Variants in PCDH11X observed in about 807,000 individuals in gnomAD.
PCDH11X encodes protocadherin-11 X-linked.
A neutral mutation model predicts 53.3 loss-of-function variants in PCDH11X; 18 were observed. The observed-to-expected ratio is 0.34, with a 90% CI of 0.23 to 0.50. PCDH11X has a LOEUF of 0.50. Among genes scored for constraint, PCDH11X ranks in the 20% least tolerant of loss-of-function variants. The pLI is 0.98. For missense variants in PCDH11X, 570 were observed against 1,032.4 expected, an observed-to-expected ratio of 0.55 and a Z score of 6.14; for synonymous variants, 279 against 393.3, an observed-to-expected ratio of 0.71 and a Z score of 3.44.
chrX:92,609,274 G>T (rs1173595264), intron 10 of PCDH11X, among the ~76,000 whole-genome samples: 16 of 110,694 alleles, frequency 1.4e-4, no homozygotes, highest in South Asian at 1.1e-3. Context: ...GAATTGCTGG[G>T]TTTTTTTTCT....
chrX:92,148,109 T>C (rs868438844), intron 6 of PCDH11X, among the ~76,000 whole-genome samples: 35 of 19,920 alleles, frequency 1.8e-3, no homozygotes, highest in South Asian at 2.3e-3. Context: ...TTTCTTTCTT[T>C]CTTTCTTTCT....
At chrX:91,893,583 A>AC (rs1940606244) in intron 6 of PCDH11X, among the ~76,000 whole-genome samples, 1 of 110,261 alleles carries the variant, frequency 9.1e-6, no homozygotes, top group African/African-American at 3.3e-5. Flanking sequence ...TATATTGACG[A>AC]CTATGGTTTG....
chrX:92,296,021 G>A (rs2068600852), intron 8 of PCDH11X, among the ~76,000 whole-genome samples: 1 of 109,257 alleles, frequency 9.2e-6, no homozygotes, highest in African/African-American at 3.3e-5. Flanking sequence ...AGGCGAGGTT[G>A]CAGTGAGCCG....
chrX:91,857,370 T>G (rs1938408364), intron 5 of PCDH11X, among the ~76,000 whole-genome samples: 1 of 111,388 alleles, frequency 9.0e-6, no homozygotes, highest in Non-Finnish European at 1.9e-5. Flanking sequence ...CGAAACCATA[T>G]TTTTCTGCCC....
chrX:91,828,352 C>T (rs1198778391), intron 4 of PCDH11X, among the ~76,000 whole-genome samples: 1 of 110,544 alleles, frequency 9.0e-6, no homozygotes, highest in African/African-American at 3.3e-5. Flanking sequence ...GATCTCCTGA[C>T]CTCGTGATCC....
intron 6 of PCDH11X, among the ~76,000 whole-genome samples, chrX:92,180,213 TC>T (rs2065972710): frequency 9.0e-6 from 1 of 110,696 alleles, no homozygotes; most frequent in Non-Finnish European, 1.9e-5. Context: ...AACAACAGAA[TC>T]TTGTGAGAAC....
intron 8 of PCDH11X, among the ~76,000 whole-genome samples, chrX:92,290,359 G>A (rs1029341240): frequency 9.0e-6 from 1 of 111,263 alleles, no homozygotes; most frequent in African/African-American, 3.3e-5. Flanking sequence ...GCCATTCAAT[G>A]AAATAACCAG....
chrX:92,146,307 T>C (rs1314387117), intron 6 of PCDH11X, among the ~76,000 whole-genome samples: 1 of 111,020 alleles, frequency 9.0e-6, no homozygotes, highest in African/African-American at 3.3e-5. Flanking sequence ...ACTGGAAACT[T>C]GTGCTGTTGC....
At chrX:92,388,444 A>G (rs2071058492) in intron 9 of PCDH11X, among the ~76,000 whole-genome samples, 2 of 106,192 alleles carry the variant, frequency 1.9e-5, no homozygotes, top group South Asian at 8.6e-4. Flanking sequence ...GTTACTGTTT[A>G]GAAAGGTATT....
intron 10 of PCDH11X, among the ~76,000 whole-genome samples, chrX:92,512,494 T>C (rs1183246737): frequency 8.9e-6 from 1 of 111,748 alleles, no homozygotes; most frequent in Non-Finnish European, 1.9e-5. Flanking sequence ...GTTTATGAAA[T>C]ATGAAATTGA....
At chrX:92,421,222 C>T (rs2071959177) in intron 9 of PCDH11X, among the ~76,000 whole-genome samples, 1 of 112,009 alleles carries the variant, frequency 8.9e-6, no homozygotes, top group Non-Finnish European at 1.9e-5. Flanking sequence ...CAAGTAAAAG[C>T]ATAGTATCCA....
At chrX:91,900,732 G>T in intron 6 of PCDH11X, among the ~76,000 whole-genome samples, 1 of 108,890 alleles carries the variant, frequency 9.2e-6, no homozygotes, top group East Asian at 2.9e-4. Context: ...TTATATGGGG[G>T]TGACTGTAAG....
At chrX:92,376,351 T>C (rs2070754322) in intron 8 of PCDH11X, among the ~76,000 whole-genome samples, 1 of 112,140 alleles carries the variant, frequency 8.9e-6, no homozygotes, top group South Asian at 3.7e-4. Flanking sequence ...TGCTTTTGCT[T>C]CATTACTGCA....
chrX:92,247,947 T>C (rs935433749), intron 7 of PCDH11X, among the ~76,000 whole-genome samples: 13 of 111,962 alleles, frequency 1.2e-4, no homozygotes, highest in Non-Finnish European at 2.3e-4. Context: ...AACAATTTAG[T>C]GAAACCTGAC....
intron 1 of PCDH11X, among the ~76,000 whole-genome samples, chrX:91,799,463 G>A (rs1935853765): frequency 9.0e-6 from 1 of 111,202 alleles, no homozygotes; most frequent in South Asian, 3.7e-4. Context: ...ATATAAATGA[G>A]CTTGATAAGG....
intron 10 of PCDH11X, among the ~76,000 whole-genome samples, chrX:92,616,494 T>A (rs1208032759): frequency 9.1e-6 from 1 of 109,545 alleles, no homozygotes; most frequent in Non-Finnish European, 1.9e-5. Context: ...AAGTCTATAC[T>A]TTCACCATTG....
chrX:91,870,954 C>T (rs747447212), intron 5 of PCDH11X, among the ~76,000 whole-genome samples: 3 of 111,133 alleles, frequency 2.7e-5, no homozygotes, highest in East Asian at 2.8e-4. Flanking sequence ...ATGTGACTAA[C>T]GGCTTGGGAC....
chrX:92,040,580 G>A (rs921319451), intron 6 of PCDH11X, among the ~76,000 whole-genome samples: 8 of 111,816 alleles, frequency 7.2e-5, no homozygotes, highest in African/African-American at 2.0e-4. Flanking sequence ...CATGATACAC[G>A]ACTGTCTTTC....
chrX:92,202,123 G>A (rs1262753588), intron 7 of PCDH11X, among the ~76,000 whole-genome samples: 1 of 111,599 alleles, frequency 9.0e-6, no homozygotes, highest in Non-Finnish European at 1.9e-5. Context: ...TTTATACATT[G>A]GCATGATTCC....
Sources: allele counts gnomAD v4.1 joint callset (sites outside exome capture counted in the v4.1 genomes callset), GRCh38; gene constraint gnomAD v4.1.1; transcripts MANE v1.5; gene names NCBI Gene and HGNC (gene_info 2026-07-23, HGNC 2026-07-21).